BLTP3B: variants seen among roughly 807,000 people sequenced by gnomAD.
The protein encoded by BLTP3B is bridge-like lipid transfer protein family member 3B.
chr12:100,063,303 C>T, the BLTP3B span, among the ~76,000 whole-genome samples: 1 of 152,196 alleles, frequency 6.6e-6, no homozygotes, highest in Non-Finnish European at 1.5e-5. Flanking sequence ...TCTGTGCAGA[C>T]AACCCCCAGT....
At chr12:100,047,973 T>A in the BLTP3B span, 10 of 1,542,926 alleles carry the variant, frequency 6.5e-6, no homozygotes, top group African/African-American at 1.1e-4. Context: ...TAGAAACTTG[T>A]ATCTTCATTG....
chr12:100,129,528 G>T, the BLTP3B span, among the ~76,000 whole-genome samples: 2 of 152,194 alleles, frequency 1.3e-5, no homozygotes, highest in Non-Finnish European at 2.9e-5. Flanking sequence ...CTAAAACATT[G>T]CCAGGGCGAT....
the BLTP3B span, among the ~76,000 whole-genome samples, chr12:100,085,943 TAA>T: frequency 6.6e-6 from 1 of 152,062 alleles, no homozygotes; most frequent in African/African-American, 2.4e-5. Context: ...TTTAAAACAT[TAA>T]TAACTTGTTT....
chr12:100,140,600 G>A, the BLTP3B span, among the ~76,000 whole-genome samples: 1 of 149,766 alleles, frequency 6.7e-6, no homozygotes, highest in Middle Eastern at 3.4e-3. Flanking sequence ...AGCTACTCGG[G>A]AGGCTGAGGC....
the BLTP3B span, among the ~76,000 whole-genome samples, chr12:100,124,168 A>G: frequency 0.02 from 3,018 of 151,654 alleles, 32 homozygotes; most frequent in African/African-American, 0.028. Flanking sequence ...TAGCTACTTC[A>G]GAGGCTGAGA....
At chr12:100,041,803 T>C in the BLTP3B span, among the ~76,000 whole-genome samples, 62 of 152,134 alleles carry the variant, frequency 4.1e-4, 1 homozygote, top group African/African-American at 1.4e-3. Flanking sequence ...AGAAAAACAA[T>C]AGAAGACATT....
At chr12:100,108,696 AC>A in the BLTP3B span, 1 of 625,324 alleles carries the variant, frequency 1.6e-6, no homozygotes, top group East Asian at 3.0e-5. Flanking sequence ...AAAATGTGGT[AC>A]ATATACACGA....
the BLTP3B span, chr12:100,072,619 GA>G: frequency 2.9e-5 from 40 of 1,381,972 alleles, no homozygotes; most frequent in East Asian, 3.4e-4. Flanking sequence ...ATATTAACAA[GA>G]AAAAAATACT....
At chr12:100,116,462 A>AAAAAG in the BLTP3B span, among the ~76,000 whole-genome samples, 66 of 151,174 alleles carry the variant, frequency 4.4e-4, no homozygotes, top group African/African-American at 1.6e-3. Context: ...AAAAAAAAAA[A>AAAAAG]AAAAGAAAAG....
At chr12:100,110,846 G>T in the BLTP3B span, among the ~76,000 whole-genome samples, 2 of 152,162 alleles carry the variant, frequency 1.3e-5, no homozygotes. Flanking sequence ...TATTTATAGG[G>T]AAGGAAGGAT....
At chr12:100,040,404 T>C in the BLTP3B span, among the ~76,000 whole-genome samples, 1 of 151,534 alleles carries the variant, frequency 6.6e-6, no homozygotes, top group African/African-American at 2.4e-5. Flanking sequence ...AACTTAAGCC[T>C]GGCACAGTGG....
At chr12:100,098,274 T>G in the BLTP3B span, 94 of 1,435,048 alleles carry the variant, frequency 6.6e-5, no homozygotes, top group Non-Finnish European at 8.1e-5. Context: ...AAGGCAACCA[T>G]GAGATGTGAT....
At chr12:100,087,253 G>A in the BLTP3B span, among the ~76,000 whole-genome samples, 1 of 150,792 alleles carries the variant, frequency 6.6e-6, no homozygotes, top group South Asian at 2.1e-4. Context: ...ATCAAAAGTA[G>A]ATTACAAATT....
At chr12:100,056,544 G>C in the BLTP3B span, among the ~76,000 whole-genome samples, 2 of 151,866 alleles carry the variant, frequency 1.3e-5, no homozygotes, top group African/African-American at 4.8e-5. Context: ...CTTTCAAACA[G>C]AAAGTAATTC....
the BLTP3B span, among the ~76,000 whole-genome samples, chr12:100,138,126 C>T: frequency 6.6e-6 from 1 of 152,152 alleles, no homozygotes; most frequent in African/African-American, 2.4e-5. Context: ...CACAGAACAG[C>T]CTTCACAACA....
At chr12:100,068,843 C>T in the BLTP3B span, among the ~76,000 whole-genome samples, 1 of 152,114 alleles carries the variant, frequency 6.6e-6, no homozygotes, top group South Asian at 2.1e-4. Flanking sequence ...AAAAATAGTA[C>T]ATGTTGGCAT....
chr12:100,066,219 G>A, the BLTP3B span, among the ~76,000 whole-genome samples: 2 of 152,056 alleles, frequency 1.3e-5, no homozygotes, highest in Admixed American at 1.3e-4. Context: ...AAGCAAGCAG[G>A]AGTAGCTATT....
the BLTP3B span, among the ~76,000 whole-genome samples, chr12:100,141,608 T>C: frequency 6.6e-6 from 1 of 152,156 alleles, no homozygotes; most frequent in East Asian, 1.9e-4. Flanking sequence ...TCAAGAATTA[T>C]GTTTACTATA....
At chr12:100,068,720 C>T in the BLTP3B span, among the ~76,000 whole-genome samples, 2 of 152,122 alleles carry the variant, frequency 1.3e-5, no homozygotes, top group African/African-American at 4.8e-5. Flanking sequence ...AGAACATATA[C>T]AAATGGCCAA....
Sources: allele counts gnomAD v4.1 joint callset (sites outside exome capture counted in the v4.1 genomes callset), GRCh38; gene constraint gnomAD v4.1.1; transcripts MANE v1.5; gene names NCBI Gene and HGNC (gene_info 2026-07-23, HGNC 2026-07-21).